DAPK1: variants seen among roughly 807,000 people sequenced by gnomAD.
The protein encoded by DAPK1 is death-associated protein kinase 1.
DAPK1 carries 56 observed loss-of-function variants against 144.9 expected under a neutral mutation model. The ratio of observed to expected loss-of-function variants is 0.39; its 90% CI spans 0.31 to 0.48. The LOEUF (loss-of-function observed/expected upper bound fraction) is 0.48, where lower values mean the gene tolerates loss of function less well. Ranked by LOEUF, DAPK1 falls within the 20% of genes least tolerant of loss-of-function variation. DAPK1 has a pLI of 0.95. For missense variants in DAPK1, 1,454 were observed against 1,875.4 expected, an observed-to-expected ratio of 0.78 and a Z score of 4.15; for synonymous variants, 690 against 749.0, an observed-to-expected ratio of 0.92 and a Z score of 1.29.
intron 19 of DAPK1, among the ~76,000 whole-genome samples, chr9:87,676,746 C>T (rs1159777990): frequency 6.6e-6 from 1 of 152,210 alleles, no homozygotes; most frequent in African/African-American, 2.4e-5. Flanking sequence ...CAATATTTCA[C>T]TCCAAAGGGT....
intron 2 of DAPK1, among the ~76,000 whole-genome samples, chr9:87,532,268 G>T (rs1421463235): frequency 6.6e-6 from 1 of 152,162 alleles, no homozygotes; most frequent in African/African-American, 2.4e-5. Flanking sequence ...TTTTTAAAAA[G>T]AACAGTATTT....
rs548734390 is a variant in DAPK1 at position 87,629,927 on chromosome 9, C to G, written c.285-8016C>G. On this transcript the variant is annotated intron_variant, in intron 3 of 25. Coordinates refer to ENST00000408954, the MANE Select transcript of DAPK1 (RefSeq NM_004938.4). Reference sequence around the variant, plus strand: ...CGTGCTGGGACACTTGCTCTGGAGCCCTGACGTGCCTGTGAACAGTCCACT... The same window carrying G: ...CGTGCTGGGACACTTGCTCTGGAGCGCTGACGTGCCTGTGAACAGTCCACT... Among the ~76,000 whole-genome samples the G allele has an allele frequency of 3.2e-4, 48 of 152,246 alleles. No individual in the cohort carries two copies. The South Asian group carries it at 3.9e-3, about 12-fold the overall frequency.
intron 3 of DAPK1, among the ~76,000 whole-genome samples, chr9:87,634,318 C>A (rs1463168327): frequency 6.6e-6 from 1 of 152,212 alleles, no homozygotes; most frequent in Non-Finnish European, 1.5e-5. Flanking sequence ...TCTGTGGCCT[C>A]GGCTGCGCTG....
chr9:87,618,669 C>T (rs557687910), intron 3 of DAPK1, among the ~76,000 whole-genome samples: 11 of 152,134 alleles, frequency 7.2e-5, no homozygotes, highest in Non-Finnish European at 1.3e-4. Context: ...ACCACCCACC[C>T]TATGATTTTA....
intron 2 of DAPK1, among the ~76,000 whole-genome samples, chr9:87,599,135 G>A (rs1160060543): frequency 6.6e-6 from 1 of 152,130 alleles, no homozygotes; most frequent in Non-Finnish European, 1.5e-5. Flanking sequence ...ATATGTACGA[G>A]GTCCACACAG....
At chr9:87,665,805 C>T (rs1831029620) in intron 18 of DAPK1, among the ~76,000 whole-genome samples, 1 of 152,186 alleles carries the variant, frequency 6.6e-6, no homozygotes, top group African/African-American at 2.4e-5. Context: ...TTGTGGGCTG[C>T]TGGTGCACAA....
At chr9:87,522,560 T>G (rs7849249) in intron 2 of DAPK1, among the ~76,000 whole-genome samples, 42,643 of 152,134 alleles carry the variant, frequency 0.28, 6,235 homozygotes, top group East Asian at 0.41. Context: ...GTCTGTGAAC[T>G]TCTAGGATTC....
intron 2 of DAPK1, chr9:87,553,539 A>C (rs1587712389): frequency 1.5e-5 from 2 of 137,556 alleles, no homozygotes; most frequent in African/African-American, 2.8e-5. Flanking sequence ...TCTGTTGCCC[A>C]GGCGGGTGTG....
At chr9:87,653,101 CGGGTCCTG>C (rs1830512233) in intron 17 of DAPK1, among the ~76,000 whole-genome samples, 1 of 123,150 alleles carries the variant, frequency 8.1e-6, no homozygotes, top group African/African-American at 3.0e-5. Context: ...CCCCCGATCC[CGGGTCCTG>C]ATTCTGTGTT....
chr9:87,601,381 C>T lies in DAPK1; in HGVS notation c.63-3573C>T, dbSNP rs79313888. 1.8e-4 allele frequency among the ~76,000 whole-genome samples: 28 copies of T among 152,326 alleles called. No individual in the cohort carries two copies. The East Asian group carries it at 3.3e-3, about 18-fold the overall frequency. On this transcript the variant is annotated intron_variant, in intron 2 of 25. Coordinates refer to ENST00000408954, the MANE Select transcript of DAPK1 (RefSeq NM_004938.4). ...TGACTCTGAGCTCCCAAGGCCAGGG[C>T]CAGCCTGCCTGAGCAGTTATAAGTG... is the stretch of plus-strand genomic sequence containing the variant.
chr9:87,564,122 T>C (rs1454961563), intron 2 of DAPK1, among the ~76,000 whole-genome samples: 1 of 152,246 alleles, frequency 6.6e-6, no homozygotes, highest in Non-Finnish European at 1.5e-5. Flanking sequence ...ACTGGCACTT[T>C]ACTTTCTACA....
intron 17 of DAPK1, among the ~76,000 whole-genome samples, chr9:87,657,192 A>T (rs904347694): frequency 2.0e-5 from 3 of 152,240 alleles, no homozygotes; most frequent in African/African-American, 7.2e-5. Context: ...GTAACCGCTT[A>T]TGTCCTAACA....
intron 2 of DAPK1, among the ~76,000 whole-genome samples, chr9:87,589,055 ATTTTT>A (rs35875159): frequency 0.021 from 2,139 of 101,200 alleles, 71 homozygotes; most frequent in African/African-American, 0.08. Flanking sequence ...CGCCCGGCTA[ATTTTT>A]TTTTTTTTTT....
chr9:87,574,674 T>G (rs1827477421), intron 2 of DAPK1, among the ~76,000 whole-genome samples: 1 of 152,054 alleles, frequency 6.6e-6, no homozygotes, highest in South Asian at 2.1e-4. Context: ...AATCCCAGCA[T>G]TTTGGGAGGC....
intron 25 of DAPK1, among the ~76,000 whole-genome samples, chr9:87,704,005 A>G (rs564341573): frequency 3.3e-5 from 5 of 152,244 alleles, no homozygotes; most frequent in East Asian, 3.9e-4. Flanking sequence ...TACCTCCCCA[A>G]TCTCAGGTGC....
At chr9:87,500,822 A>G (rs989870622) in intron 2 of DAPK1, among the ~76,000 whole-genome samples, 2 of 152,152 alleles carry the variant, frequency 1.3e-5, no homozygotes, top group South Asian at 4.1e-4. Flanking sequence ...GTGCAAGGCA[A>G]ATTGACAAAT....
chr9:87,498,756 C>T, intron 1 of DAPK1: 1 of 429,866 alleles, frequency 2.3e-6, no homozygotes, highest in Non-Finnish European at 4.1e-6. Flanking sequence ...CCTCGGGGTG[C>T]CGTGGTGCCC....
rs530906779 is a variant in DAPK1, at chr9:87,522,061, G to A, written c.62+22922G>A. 5.8e-4 allele frequency among the ~76,000 whole-genome samples: 89 copies of A among 152,258 alleles called. 1 individual carries two copies. The Middle Eastern group carries it at 0.01, about 17-fold the overall frequency. ...AAGAAGATGCTCACCAGGTGCCAGC[G>A]CCATGCTCTTAGACTTCCCAGCCTC... is the stretch of plus-strand genomic sequence containing the variant. On this transcript the variant is annotated intron_variant, in intron 2 of 25. Transcript: ENST00000408954.
chr9:87,522,219 T>G (rs913778), intron 2 of DAPK1, among the ~76,000 whole-genome samples: 124,247 of 152,222 alleles, frequency 0.82, 51,133 homozygotes, highest in East Asian at 0.95. Flanking sequence ...TTATATTTTT[T>G]TTCTCAGACA....
Sources: allele counts gnomAD v4.1 joint callset (sites outside exome capture counted in the v4.1 genomes callset), GRCh38; gene constraint gnomAD v4.1.1; transcripts MANE v1.5; gene names NCBI Gene and HGNC (gene_info 2026-07-23, HGNC 2026-07-21).